PPP1R1C: variants seen among roughly 807,000 people sequenced by gnomAD.
PPP1R1C encodes protein phosphatase 1 regulatory inhibitor subunit 1C.
PPP1R1C carries 15 observed loss-of-function variants against 17.4 expected under a neutral mutation model. That is an observed-to-expected ratio of 0.86 (90% CI 0.58 to 1.33). PPP1R1C has a LOEUF of 1.33. Among genes scored for constraint, PPP1R1C ranks in the 40% most tolerant of loss-of-function variants. The probability of loss-of-function intolerance (pLI) is 0.00; values close to 1 mark genes in which losing one functional copy is unlikely to be tolerated. For missense variants in PPP1R1C, 143 were observed against 130.0 expected (o/e 1.10, Z -0.48); for synonymous variants, 35 against 43.1 (o/e 0.81, Z 0.73).
intron 2 of PPP1R1C, among the ~76,000 whole-genome samples, chr2:182,046,339 C>G (rs1250742925): frequency 1.3e-5 from 2 of 152,148 alleles, no homozygotes; most frequent in African/African-American, 4.8e-5. Context: ...TCCCTAGTAA[C>G]CACTGTTCCA....
chr2:182,106,896 G>A (rs991638955), intron 4 of PPP1R1C, among the ~76,000 whole-genome samples: 3 of 152,132 alleles, frequency 2.0e-5, no homozygotes, highest in African/African-American at 7.2e-5. Context: ...TGAGCAGGGG[G>A]ACACCAGAAG....
In PPP1R1C at chr2:181,976,352, C is replaced by G. The variant is rs574815724; in HGVS notation, n.157+1088C>G. On this transcript the variant is annotated intron_variant and non_coding_transcript_variant, in intron 2 of 5. Coordinates refer to the PPP1R1C transcript ENST00000464264. The surrounding 1 kb of genome is among the most constrained non-coding windows in gnomAD (Gnocchi z 4.8). The stretch of plus-strand genomic sequence containing the variant: ...TTTTGAAAATTATTTGGAAACCCTA[C>G]CAACAACAGAGTTCTAGAAGTTACT... Among the ~76,000 whole-genome samples, 1 of 151,948 alleles carries G rather than the reference C, an allele frequency of 6.6e-6. No homozygotes were observed. The highest frequency in any genetic ancestry group is 1.9e-4 in the East Asian group (1 of 5,178).
intron 4 of PPP1R1C, among the ~76,000 whole-genome samples, chr2:182,115,923 A>T (rs531817571): frequency 2.7e-4 from 41 of 152,254 alleles, no homozygotes; most frequent in African/African-American, 9.9e-4. Flanking sequence ...AGTAATACTT[A>T]AAAAATCTAA....
Position 181,986,170 on chromosome 2 carries a change from TGCACCTGAAGCAGCAGA to T in PPP1R1C, c.64_80del (p.Pro22AspfsTer16). The T allele has an allele frequency of 6.2e-7, 1 of 1,613,650 alleles. No individual in the cohort carries two copies. Among genetic ancestry groups the T allele is most frequent in the Non-Finnish European group, 8.5e-7 (1 of 1,179,584 alleles). On this transcript the variant is annotated frameshift_variant, in exon 1 of 5. Coordinates refer to ENST00000682840, the MANE Select transcript of PPP1R1C (RefSeq NM_001080545.3). LOFTEE classifies it high-confidence loss of function. The stretch of plus-strand genomic sequence containing the variant: ...CCGTGCCTGTATTCCAGAGTCAGAT[TGCACCTGAAGCAGCAGA>T]GCAGGTATGTGAAATTGCATGGAGA...
chr2:182,008,098 A>AAT (rs1359620232), intron 2 of PPP1R1C, among the ~76,000 whole-genome samples: 3 of 71,448 alleles, frequency 4.2e-5, no homozygotes, highest in Non-Finnish European at 8.9e-5. Context: ...TAAAAAAATA[A>AAT]AATAAAATGA....
intron 4 of PPP1R1C, among the ~76,000 whole-genome samples, chr2:182,093,783 A>C (rs962186499): frequency 6.6e-6 from 1 of 152,118 alleles, no homozygotes; most frequent in African/African-American, 2.4e-5. Context: ...CCTCATTTCC[A>C]TCTGAGACCA....
intron 1 of PPP1R1C, among the ~76,000 whole-genome samples, chr2:181,973,809 C>G (rs1216483775): frequency 4.6e-5 from 7 of 152,218 alleles, no homozygotes; most frequent in Admixed American, 4.6e-4. Context: ...TATGGCCCCA[C>G]TGACATCTAC....
intron 2 of PPP1R1C, among the ~76,000 whole-genome samples, chr2:182,044,654 A>G (rs1687288373): frequency 6.6e-6 from 1 of 152,168 alleles, no homozygotes; most frequent in Non-Finnish European, 1.5e-5. Flanking sequence ...TATTTATCAT[A>G]CTGTACTGTG....
At chr2:181,956,509 C>T (rs1050930890) in intron 1 of PPP1R1C, among the ~76,000 whole-genome samples, 3 of 152,234 alleles carry the variant, frequency 2.0e-5, no homozygotes, top group Non-Finnish European at 4.4e-5. Flanking sequence ...TACACTCCCA[C>T]CAACAGTGTA....
chr2:182,037,878 T>C (rs1469627200), intron 2 of PPP1R1C, among the ~76,000 whole-genome samples: 2 of 152,150 alleles, frequency 1.3e-5, no homozygotes, highest in African/African-American at 4.8e-5. Flanking sequence ...ACACTTTTAT[T>C]AGATTATTCT....
chr2:182,119,219 T>C (rs1689668457), downstream of PPP1R1C, among the ~76,000 whole-genome samples: 2 of 152,076 alleles, frequency 1.3e-5, no homozygotes, highest in South Asian at 4.1e-4. Context: ...TCCATGTCCC[T>C]ACAAAGGACA....
intron 2 of PPP1R1C, among the ~76,000 whole-genome samples, chr2:182,051,057 T>C (rs1319565412): frequency 6.6e-6 from 1 of 152,124 alleles, no homozygotes; most frequent in Non-Finnish European, 1.5e-5. Context: ...AAATAACCTA[T>C]CCTCACCTGA....
intron 2 of PPP1R1C, among the ~76,000 whole-genome samples, chr2:182,053,058 C>T (rs1429062619): frequency 6.6e-6 from 1 of 152,072 alleles, no homozygotes; most frequent in African/African-American, 2.4e-5. Context: ...GCTTAGTACA[C>T]AAAACAAAAG....
chr2:182,120,369 C>G (rs1055581061), downstream of PPP1R1C, among the ~76,000 whole-genome samples: 12 of 152,032 alleles, frequency 7.9e-5, no homozygotes, highest in Non-Finnish European at 1.5e-4. Flanking sequence ...AATCCAGGAG[C>G]TGGTTTTTTG....
chr2:182,076,409 G>GAGAAATCC (rs1688313256), intron 4 of PPP1R1C, among the ~76,000 whole-genome samples: 1 of 150,580 alleles, frequency 6.6e-6, no homozygotes, highest in African/African-American at 2.4e-5. Flanking sequence ...GGGACCAAAA[G>GAGAAATCC]AGAAATCCTC....
At chr2:182,016,661 A>C (rs541974280) in intron 2 of PPP1R1C, among the ~76,000 whole-genome samples, 2 of 152,190 alleles carry the variant, frequency 1.3e-5, no homozygotes, top group African/African-American at 2.4e-5. Flanking sequence ...GTAGTTATGC[A>C]TATATTTGAA....
chr2:182,038,225 T>C (rs1687071913), intron 2 of PPP1R1C, among the ~76,000 whole-genome samples: 1 of 151,950 alleles, frequency 6.6e-6, no homozygotes, highest in South Asian at 2.1e-4. Flanking sequence ...TTTTTGTAGA[T>C]ATAAGGTTTT....
chr2:181,978,533 T>C (rs1464469295), intron 2 of PPP1R1C, among the ~76,000 whole-genome samples: 2 of 152,140 alleles, frequency 1.3e-5, no homozygotes, highest in Non-Finnish European at 2.9e-5. Context: ...TCAGGCTCAG[T>C]TGAGGGTGCC....
intron 5 of PPP1R1C, among the ~76,000 whole-genome samples, chr2:182,124,632 C>G (rs937660797): frequency 2.6e-5 from 4 of 151,942 alleles, no homozygotes; most frequent in Non-Finnish European, 5.9e-5. Context: ...AAGTTGCATT[C>G]CTAGGTGTTT....
Sources: gnomAD v4.1 joint callset for allele counts (sites outside exome capture counted in the v4.1 genomes callset) on GRCh38, gnomAD v4.1.1 for gene constraint, Gnocchi (gnomAD v3.1) non-coding constraint, MANE v1.5 for transcripts, NCBI Gene and HGNC (gene_info 2026-07-23, HGNC 2026-07-21) for gene names.